Variants in ZSWIM6 observed in about 807,000 individuals in gnomAD.
The protein encoded by ZSWIM6 is zinc finger SWIM domain-containing protein 6.
ZSWIM6 carries 9 observed loss-of-function variants against 113.2 expected under a neutral mutation model. The observed-to-expected ratio is 0.08, with a 90% CI of 0.05 to 0.14. ZSWIM6 has a LOEUF of 0.14. Among genes scored for constraint, ZSWIM6 ranks in the 10% least tolerant of loss-of-function variants. The pLI is 1.00. For synonymous variants in ZSWIM6, 611 were observed against 606.5 expected, an observed-to-expected ratio of 1.01 and a Z score of -0.11; for missense variants, 1,162 against 1,552.2, an observed-to-expected ratio of 0.75 and a Z score of 4.22.
At chr5:61,503,413 AT>A (rs1182706310) in intron 4 of ZSWIM6, among the ~76,000 whole-genome samples, 1 of 152,210 alleles carries the variant, frequency 6.6e-6, no homozygotes, top group African/African-American at 2.4e-5. Context: ...AGATTAATAA[AT>A]TTCAAAATTT....
chr5:61,457,269 A>G (rs972224749), intron 1 of ZSWIM6, among the ~76,000 whole-genome samples: 2 of 152,234 alleles, frequency 1.3e-5, no homozygotes, highest in African/African-American at 4.8e-5. Context: ...AGTTTGAATT[A>G]TTATGAAACG....
intron 2 of ZSWIM6, among the ~76,000 whole-genome samples, chr5:61,483,121 G>C (rs1747922153): frequency 6.6e-6 from 1 of 152,166 alleles, no homozygotes; most frequent in Non-Finnish European, 1.5e-5. Flanking sequence ...GAAGTCCAAG[G>C]TTGAGAGGCT....
chr5:61,519,816 A>AT (rs1487351420), intron 4 of ZSWIM6, among the ~76,000 whole-genome samples: 1 of 151,968 alleles, frequency 6.6e-6, no homozygotes, highest in Admixed American at 6.6e-5. Flanking sequence ...TTTTCCACGG[A>AT]TGGGGGGTGG....
intron 7 of ZSWIM6, among the ~76,000 whole-genome samples, chr5:61,529,827 C>T (rs1334366781): frequency 6.6e-6 from 1 of 152,144 alleles, no homozygotes; most frequent in East Asian, 1.9e-4. Flanking sequence ...AATTCAGTAC[C>T]ATTTATATTG....
chr5:61,469,959 G>A (rs532216312), intron 1 of ZSWIM6, among the ~76,000 whole-genome samples: 2 of 152,202 alleles, frequency 1.3e-5, no homozygotes, highest in South Asian at 2.1e-4. Context: ...CGCCTGCCTC[G>A]GCCTCCCAAA....
chr5:61,513,390 A>G (rs1023415638), intron 4 of ZSWIM6, among the ~76,000 whole-genome samples: 18 of 152,072 alleles, frequency 1.2e-4, no homozygotes, highest in Non-Finnish European at 2.4e-4. Context: ...TATCACATGT[A>G]CAAGTTGCAG....
chr5:61,470,727 CT>C (rs1256289613), intron 1 of ZSWIM6, among the ~76,000 whole-genome samples: 3 of 151,978 alleles, frequency 2.0e-5, no homozygotes, highest in Admixed American at 6.6e-5. Flanking sequence ...TATGACAGTT[CT>C]CAAAATTTCT....
Position 61,543,077 on chromosome 5 carries a change from C to T in ZSWIM6, c.2786-378C>T, listed in dbSNP as rs899545665. 3.3e-5 allele frequency among the ~76,000 whole-genome samples: 5 copies of T among 152,152 alleles called. No homozygotes were observed. The highest frequency in any genetic ancestry group is 1.2e-4 in the African/African-American group (5 of 41,426). Reference sequence around the variant, plus strand: ...TTTACCTTACACACAAGCACATAAGCCATGTAAAGTCCCTGTTTTGGTGAG... The same window carrying T: ...TTTACCTTACACACAAGCACATAAGTCATGTAAAGTCCCTGTTTTGGTGAG... On this transcript the variant is annotated intron_variant, in intron 13 of 13. Transcript: ENST00000252744. The surrounding 1 kb of genome is among the most constrained non-coding windows in gnomAD (Gnocchi z 4.3).
At chr5:61,404,686 T>G (rs1295914642) in intron 1 of ZSWIM6, among the ~76,000 whole-genome samples, 1 of 152,228 alleles carries the variant, frequency 6.6e-6, no homozygotes, top group Admixed American at 6.5e-5. Context: ...GGAGAGGGAT[T>G]TCACCGCCTC....
intron 9 of ZSWIM6, among the ~76,000 whole-genome samples, chr5:61,532,303 T>C (rs1330813185): frequency 6.6e-6 from 1 of 152,196 alleles, no homozygotes; most frequent in African/African-American, 2.4e-5. Context: ...CACGGTCTAA[T>C]TTCCTTCTTC....
intron 10 of ZSWIM6, among the ~76,000 whole-genome samples, chr5:61,536,289 A>G (rs549870616): frequency 1.3e-5 from 2 of 152,368 alleles, no homozygotes; most frequent in East Asian, 1.9e-4. Flanking sequence ...TATTTCACAT[A>G]ATAATTATTT....
chr5:61,477,880 T>G (rs1747745259), intron 2 of ZSWIM6, among the ~76,000 whole-genome samples: 1 of 152,212 alleles, frequency 6.6e-6, no homozygotes, highest in South Asian at 2.1e-4. Flanking sequence ...TCGTTCTGTT[T>G]TGTTCTTAGT....
rs1439290689 is a variant in ZSWIM6 at position 61,332,326 on chromosome 5, G to T, written c.54G>T (p.Pro18=). 2 of 1,117,440 alleles carry T rather than the reference G, an allele frequency of 1.8e-6. No individual in the cohort carries two copies. Among genetic ancestry groups the T allele is most frequent in the Non-Finnish European group, 2.2e-6 (2 of 910,564 alleles). The allele number at this position is 1,117,440 out of a possible 1,614,324, so 69.2% of individuals were successfully genotyped here. ...PPPAKRLCCR[P]GGGGGGGGSS... is the part of the protein sequence containing the mutation. ...CCGCGAAACGGCTTTGCTGCCGGCC[G>T]GGCGGCGGCGGCGGCGGCGGGGGCA... The change falls in exon 1 of 14, where the codon CCG becomes CCT. Residue 18 remains proline (P), a synonymous_variant. Transcript: ENST00000252744.
rs76640910 is a variant in ZSWIM6, at chr5:61,502,005, G to A, written c.1333+7595G>A. Among the ~76,000 whole-genome samples, 1,016 of 152,264 alleles carry A rather than the reference G, an allele frequency of 6.7e-3. 4 individuals carry two copies. The highest frequency in any genetic ancestry group is 0.021 in the South Asian group (101 of 4,824). On this transcript the variant is annotated intron_variant, in intron 4 of 13. Coordinates refer to ENST00000252744, the MANE Select transcript of ZSWIM6 (RefSeq NM_020928.2). ...CTGGCTAGGGAAGTCTCCTTACTAGGCTGTGGATCTAGAGAGTACTATCAT... is the reference window on the plus strand; with the variant it reads ...CTGGCTAGGGAAGTCTCCTTACTAGACTGTGGATCTAGAGAGTACTATCAT...
At chr5:61,417,095 T>C (rs1196210416) in intron 1 of ZSWIM6, among the ~76,000 whole-genome samples, 2 of 152,068 alleles carry the variant, frequency 1.3e-5, no homozygotes, top group Admixed American at 1.3e-4. Context: ...TGAGCCGAGA[T>C]TGTGTCATTG....
chr5:61,532,738 T>G (rs1749472801), intron 9 of ZSWIM6, among the ~76,000 whole-genome samples: 1 of 152,204 alleles, frequency 6.6e-6, no homozygotes, highest in Non-Finnish European at 1.5e-5. Flanking sequence ...TTGGTAAAAA[T>G]TCCCAGTGGT....
At chr5:61,464,265 C>T (rs1747383491) in intron 1 of ZSWIM6, among the ~76,000 whole-genome samples, 1 of 147,112 alleles carries the variant, frequency 6.8e-6, no homozygotes, top group Non-Finnish European at 1.5e-5. Context: ...AAGTGATCCA[C>T]CTGTCTCGGC....
chr5:61,395,235 T>C (rs1341940872), intron 1 of ZSWIM6, among the ~76,000 whole-genome samples: 2 of 152,120 alleles, frequency 1.3e-5, no homozygotes, highest in African/African-American at 2.4e-5. Flanking sequence ...TTCTCAGTGC[T>C]AAGACAACTT....
chr5:61,446,949 T>C (rs1746966842), intron 1 of ZSWIM6, among the ~76,000 whole-genome samples: 1 of 152,208 alleles, frequency 6.6e-6, no homozygotes, highest in African/African-American at 2.4e-5. Flanking sequence ...TTCAAATGGC[T>C]AAACCTCATT....
Sources: allele counts gnomAD v4.1 joint callset (sites outside exome capture counted in the v4.1 genomes callset), GRCh38; gene constraint gnomAD v4.1.1; non-coding constraint Gnocchi (gnomAD v3.1); transcripts MANE v1.5; gene names NCBI Gene and HGNC (gene_info 2026-07-23, HGNC 2026-07-21).